Variants in PTPRN2 observed in about 807,000 individuals in gnomAD.
The protein encoded by PTPRN2 is receptor-type tyrosine-protein phosphatase N2.
Under a neutral mutation model 118.8 loss-of-function variants are expected in PTPRN2, and 74 were observed. The ratio of observed to expected loss-of-function variants is 0.62; its 90% CI spans 0.52 to 0.76. The LOEUF is 0.76. Among genes scored for constraint, PTPRN2 ranks in the 30% least tolerant of loss-of-function variants. The pLI is 0.00. For synonymous variants in PTPRN2, 641 were observed against 608.0 expected, an observed-to-expected ratio of 1.05 and a Z score of -0.80; for missense variants, 1,481 against 1,394.4, an observed-to-expected ratio of 1.06 and a Z score of -0.99.
chr7:158,108,845 G>T (rs1288002484), intron 10 of PTPRN2, among the ~76,000 whole-genome samples: 1 of 152,270 alleles, frequency 6.6e-6, no homozygotes, highest in Non-Finnish European at 1.5e-5. Context: ...CTGGTGCGAG[G>T]CCAGGTTGCC....
rs1342093756 is a variant in PTPRN2, at chr7:158,015,738, A to T, written c.1723+65560T>A. Among the ~76,000 whole-genome samples, 2 of 152,254 alleles carry T rather than the reference A, an allele frequency of 1.3e-5. No homozygotes were observed. The highest frequency in any genetic ancestry group is 2.9e-5 in the Non-Finnish European group (2 of 68,044). On this transcript the variant is annotated intron_variant, in intron 11 of 22. Coordinates refer to ENST00000389418, the MANE Select transcript of PTPRN2 (RefSeq NM_002847.5). The surrounding 1 kb of genome is among the most constrained non-coding windows in gnomAD (Gnocchi z 4.2). The stretch of plus-strand genomic sequence containing the variant: ...AACCAGCTATTATTAGGAGTTCAAA[A>T]CAAATCACAAACATGTCTGTCTATT...
intron 12 of PTPRN2, among the ~76,000 whole-genome samples, chr7:157,761,021 C>G (rs564737799): frequency 3.3e-5 from 5 of 151,646 alleles, no homozygotes; most frequent in Admixed American, 6.6e-5. Context: ...GAATAAAATA[C>G]CTAGGAATCC....
rs1040653540 is a variant in PTPRN2, at chr7:157,944,311, G to A, written c.1724-45574C>T. On this transcript the variant is annotated intron_variant, in intron 11 of 22. Transcript: ENST00000389418. The surrounding 1 kb of genome is among the most constrained non-coding windows in gnomAD (Gnocchi z 4.3). Reference sequence around the variant, plus strand: ...AACCAACACACGGCCCAGCAGTCTCGGTCAGTGGAGCCCACCACCCAAGCG... The same window carrying A: ...AACCAACACACGGCCCAGCAGTCTCAGTCAGTGGAGCCCACCACCCAAGCG... Among the ~76,000 whole-genome samples, 4 of 152,126 alleles carry A rather than the reference G, an allele frequency of 2.6e-5. No homozygotes were observed. The highest frequency in any genetic ancestry group is 6.5e-5 in the Admixed American group (1 of 15,284).
Position 158,520,323 on chromosome 7 carries a change from G to A in PTPRN2, c.113-30538C>T, listed in dbSNP as rs73729667. The stretch of plus-strand genomic sequence containing the variant: ...AAGGAGAGTAAAATTCCACTATTGT[G>A]AAATTCCCCCTTCAGCAATGAAACG... On this transcript the variant is annotated intron_variant, in intron 1 of 22. Coordinates refer to ENST00000389418, the MANE Select transcript of PTPRN2 (RefSeq NM_002847.5). Among the ~76,000 whole-genome samples the A allele has an allele frequency of 2.4e-3, 370 of 152,318 alleles. 1 individual carries two copies. The highest frequency in any genetic ancestry group is 8.6e-3 in the African/African-American group (356 of 41,570).
At chr7:158,100,278 T>TGTGTGTGTGC (rs1359057394) in intron 10 of PTPRN2, among the ~76,000 whole-genome samples, 5 of 149,482 alleles carry the variant, frequency 3.3e-5, no homozygotes, top group African/African-American at 1.2e-4. Flanking sequence ...TGTGTGTGTG[T>TGTGTGTGTGC]GCCACGATTT....
chr7:157,991,277 T>C (rs1585154997), intron 11 of PTPRN2, among the ~76,000 whole-genome samples: 1 of 152,206 alleles, frequency 6.6e-6, no homozygotes, highest in Non-Finnish European at 1.5e-5. Context: ...CCCAAGAAAG[T>C]ACCCGGACAA....
intron 12 of PTPRN2, among the ~76,000 whole-genome samples, chr7:157,776,228 T>C (rs115778015): frequency 0.03 from 3,121 of 104,944 alleles, 199 homozygotes; most frequent in African/African-American, 0.11. Flanking sequence ...TCCTCCTCCT[T>C]CTCATCTTCC....
intron 12 of PTPRN2, among the ~76,000 whole-genome samples, chr7:157,759,081 T>C (rs1429922830): frequency 6.6e-6 from 1 of 152,254 alleles, no homozygotes; most frequent in Non-Finnish European, 1.5e-5. Context: ...CTCGTTTCTC[T>C]TGGGTCTGAA....
chr7:157,762,186 C>T lies in PTPRN2; in HGVS notation c.1789-79249G>A, dbSNP rs374768081. On this transcript the variant is annotated intron_variant, in intron 12 of 22. Transcript: ENST00000389418. Reference sequence around the variant, plus strand: ...TCAACCATTGTGGAAGTCAGTGTGGCGATTCCTCAGGGATCTAGAACTGGA... The same window carrying T: ...TCAACCATTGTGGAAGTCAGTGTGGTGATTCCTCAGGGATCTAGAACTGGA... Among the ~76,000 whole-genome samples, 11 of 152,074 alleles carry T rather than the reference C, an allele frequency of 7.2e-5. No homozygotes were observed. The East Asian group carries it at 1.5e-3, about 21-fold the overall frequency.
At chr7:158,431,455 C>CGACACACACTGGCTCACGCTG (rs11271556) in intron 2 of PTPRN2, among the ~76,000 whole-genome samples, 1 of 139,790 alleles carries the variant, frequency 7.2e-6, no homozygotes. Flanking sequence ...CTGCCTCACA[C>CGACACACACTGGCTCACGCTG]GACACACACT....
intron 11 of PTPRN2, among the ~76,000 whole-genome samples, chr7:158,063,884 A>G (rs571423641): frequency 1.4e-4 from 21 of 152,276 alleles, no homozygotes; most frequent in African/African-American, 4.8e-4. Flanking sequence ...GACAAAACCT[A>G]ATACCAATTA....
In PTPRN2 at chr7:158,138,820, G is replaced by T. The variant is rs561812381; in HGVS notation, c.911-305C>A. Among the ~76,000 whole-genome samples, 8 of 152,340 alleles carry T rather than the reference G, an allele frequency of 5.3e-5. 1 individual carries two copies. The highest frequency in any genetic ancestry group is 1.9e-4 in the African/African-American group (8 of 41,586). ...TTCCAGAAAACACTGGAATGACCAA[G>T]CCAGGAAGAGAGATGGGCTAGGCAA... On this transcript the variant is annotated intron_variant, in intron 6 of 22. Coordinates refer to ENST00000389418, the MANE Select transcript of PTPRN2 (RefSeq NM_002847.5).
chr7:157,609,707 T>A lies in PTPRN2; in HGVS notation c.2345-5632A>T, dbSNP rs1055222147. ...GATAACATACAACTCACAGCACTGT[T>A]GTGGTAAATGGCACGCAGCAAGCAA... On this transcript the variant is annotated intron_variant, in intron 15 of 22. Coordinates refer to ENST00000389418, the MANE Select transcript of PTPRN2 (RefSeq NM_002847.5). The surrounding 1 kb of genome is among the most constrained non-coding windows in gnomAD (Gnocchi z 4.9). Among the ~76,000 whole-genome samples the A allele has an allele frequency of 6.6e-6, 1 of 152,128 alleles. No homozygotes were observed. Among genetic ancestry groups the A allele is most frequent in the African/African-American group, 2.4e-5 (1 of 41,420 alleles).
chr7:157,805,868 G>A (rs1805598755), intron 12 of PTPRN2, among the ~76,000 whole-genome samples: 1 of 152,314 alleles, frequency 6.6e-6, no homozygotes, highest in Middle Eastern at 3.4e-3. Flanking sequence ...GGAGGGACCC[G>A]AGTGCTTGGG....
chr7:158,255,083 T>C (rs1396123945), intron 3 of PTPRN2, among the ~76,000 whole-genome samples: 7 of 152,154 alleles, frequency 4.6e-5, no homozygotes, highest in Non-Finnish European at 1.0e-4. Context: ...TCCTGTCTTC[T>C]GGTGTTGAGT....
In PTPRN2 at chr7:158,167,161, T is replaced by C. The variant is rs1823101582; in HGVS notation, c.680A>G (p.Asp227Gly). Residue 227 changes from aspartate (D) to glycine (G), a missense_variant, in exon 6 of 23, where the codon GAT becomes GGT. Coordinates refer to ENST00000389418, the MANE Select transcript of PTPRN2 (RefSeq NM_002847.5). ...LPRTLGQLQP[D>G]ELSPKVDSGV... The stretch of plus-strand genomic sequence containing the variant: ...ACTGTCCACCTTAGGGCTGAGCTCA[T>C]CTGGCTGGAGCTGGCCGAGGGTCCG... 1.9e-6 allele frequency: 3 copies of C among 1,613,952 alleles called. No homozygotes were observed. Among genetic ancestry groups the C allele is most frequent in the Non-Finnish European group, 2.5e-6 (3 of 1,179,980 alleles).
intron 1 of PTPRN2, among the ~76,000 whole-genome samples, chr7:158,519,859 A>G (rs1249367316): frequency 6.6e-6 from 1 of 152,216 alleles, no homozygotes; most frequent in African/African-American, 2.4e-5. Flanking sequence ...CCACAACGCC[A>G]GCACGGTCAC....
At chr7:157,699,633 G>C (rs934576542) in intron 12 of PTPRN2, among the ~76,000 whole-genome samples, 9 of 152,222 alleles carry the variant, frequency 5.9e-5, no homozygotes, top group African/African-American at 1.9e-4. Flanking sequence ...TTGCCATCTT[G>C]GCCAGGCTGT....
intron 21 of PTPRN2, among the ~76,000 whole-genome samples, chr7:157,551,657 T>C (rs1442536886): frequency 9.7e-3 from 130 of 13,352 alleles, no homozygotes; most frequent in African/African-American, 0.018. Flanking sequence ...CCCACAGCCA[T>C]CACACACCCC....
Sources: gnomAD v4.1 joint callset for allele counts (sites outside exome capture counted in the v4.1 genomes callset) on GRCh38, gnomAD v4.1.1 for gene constraint, Gnocchi (gnomAD v3.1) non-coding constraint, MANE v1.5 for transcripts, NCBI Gene and HGNC (gene_info 2026-07-23, HGNC 2026-07-21) for gene names.